The following DLG2 variants were observed in gnomAD, a reference collection of about 807,000 sequenced individuals.
DLG2 encodes the protein disks large homolog 2.
In DLG2, 45 loss-of-function variants were observed where a neutral mutation model predicts 132.5. That is an observed-to-expected ratio of 0.34 (90% CI 0.27 to 0.44). DLG2 has a LOEUF of 0.44. Ranked by LOEUF, DLG2 falls within the 20% of genes least tolerant of loss-of-function variation. The pLI is 1.00. For synonymous variants in DLG2, 424 were observed against 419.6 expected (o/e 1.01, Z -0.13); for missense variants, 1,045 against 1,196.9 (o/e 0.87, Z 1.87).
chr11:84,824,830 T>C lies in DLG2; in HGVS notation c.357+286831A>G, dbSNP rs181756735. 5.1e-4 allele frequency among the ~76,000 whole-genome samples: 77 copies of C among 151,972 alleles called. 1 individual carries two copies. The East Asian group carries it at 0.012, about 24-fold the overall frequency. ...ACAATTACCAGACGCCCACAGTGCA[T>C]GTGTGGCAACATACCAGGGCTCTCT... On this transcript the variant is annotated intron_variant, in intron 6 of 27. Transcript: ENST00000376104.
chr11:83,468,551 A>C (rs1207478036), intron 25 of DLG2, among the ~76,000 whole-genome samples: 14 of 152,178 alleles, frequency 9.2e-5, no homozygotes, highest in Non-Finnish European at 2.9e-5. Flanking sequence ...ACATTGAGAA[A>C]GGTCATGGCA....
intron 6 of DLG2, chr11:84,640,410 G>A (rs961427786): frequency 1.7e-5 from 7 of 413,890 alleles, no homozygotes; most frequent in Admixed American, 6.9e-5. Context: ...AGCCCAGAAC[G>A]ATGAATTAAT....
chr11:83,561,350 A>ACTC (rs1420183309), intron 19 of DLG2, among the ~76,000 whole-genome samples: 2 of 152,026 alleles, frequency 1.3e-5, no homozygotes, highest in African/African-American at 4.8e-5. Flanking sequence ...CCCATCCAGG[A>ACTC]CTCAGAGGGG....
At chr11:83,995,469 C>CCTCCATTTT (rs1435362728) in intron 11 of DLG2, among the ~76,000 whole-genome samples, 4 of 152,008 alleles carry the variant, frequency 2.6e-5, no homozygotes, top group Non-Finnish European at 5.9e-5. Flanking sequence ...ATTTGGTCTC[C>CCTCCATTTT]CTCCATTTTC....
chr11:84,166,853 A>C, intron 8 of DLG2: 2 of 517,756 alleles, frequency 3.9e-6, no homozygotes, highest in Non-Finnish European at 7.9e-6. Flanking sequence ...AATATTCCCA[A>C]TCAGGTTATC....
intron 7 of DLG2, among the ~76,000 whole-genome samples, chr11:84,355,592 T>A (rs900611787): frequency 6.6e-5 from 10 of 152,112 alleles, no homozygotes; most frequent in African/African-American, 2.4e-4. Context: ...TGTTATAAGC[T>A]TCTTAGTTTA....
chr11:85,064,277 T>C (rs1013308853), intron 6 of DLG2, among the ~76,000 whole-genome samples: 5 of 151,930 alleles, frequency 3.3e-5, no homozygotes, highest in South Asian at 2.1e-4. Context: ...ATAAATTCTA[T>C]TCAATTCTAG....
At chr11:84,949,121 G>T (rs182928983) in intron 6 of DLG2, among the ~76,000 whole-genome samples, 74 of 152,240 alleles carry the variant, frequency 4.9e-4, no homozygotes, top group African/African-American at 1.8e-3. Flanking sequence ...ACAAAAGAGA[G>T]AAATTTTAAA....
intron 7 of DLG2, among the ~76,000 whole-genome samples, chr11:84,319,448 A>G (rs1306067855): frequency 1.3e-5 from 2 of 152,180 alleles, no homozygotes; most frequent in Non-Finnish European, 2.9e-5. Context: ...TTTTAGGCAG[A>G]TATCATTGCA....
chr11:85,170,645 A>T (rs1311805945), intron 4 of DLG2, among the ~76,000 whole-genome samples: 2 of 152,200 alleles, frequency 1.3e-5, no homozygotes, highest in African/African-American at 4.8e-5. Context: ...ATAATGTCCC[A>T]GGTTGGCAAC....
At chr11:84,119,759 C>G (rs1461440695) in intron 9 of DLG2, among the ~76,000 whole-genome samples, 4 of 152,108 alleles carry the variant, frequency 2.6e-5, no homozygotes, top group South Asian at 2.1e-4. Context: ...GTATACGAAT[C>G]TTTTTATATT....
intron 3 of DLG2, among the ~76,000 whole-genome samples, chr11:85,412,750 CACACACACACATATATATATAT>C (rs772925278): frequency 2.2e-5 from 3 of 139,406 alleles, no homozygotes; most frequent in East Asian, 4.1e-4. Context: ...CACACACACA[CACACACACACATATATATATAT>C]ATATATATAT....
At chr11:85,459,842 T>C (rs1285338920) in intron 3 of DLG2, among the ~76,000 whole-genome samples, 1 of 152,174 alleles carries the variant, frequency 6.6e-6, no homozygotes, top group Non-Finnish European at 1.5e-5. Context: ...TGTGCTGGAA[T>C]TCCAGGCTGA....
At chr11:85,164,826 T>C (rs943428277) in intron 4 of DLG2, among the ~76,000 whole-genome samples, 1 of 152,196 alleles carries the variant, frequency 6.6e-6, no homozygotes, top group African/African-American at 2.4e-5. Context: ...AGAACCTATT[T>C]CTGCCTGAAT....
chr11:85,507,940 C>T lies in DLG2; in HGVS notation c.40+90717G>A, dbSNP rs554314711. On this transcript the variant is annotated intron_variant, in intron 3 of 27. Coordinates refer to ENST00000376104, the MANE Select transcript of DLG2 (RefSeq NM_001142699.3). Reference sequence around the variant, plus strand: ...TTTTTTCTCTAAACTTCTCTTCTCACTTCATTTGATTCATTTGATCTTCAA... The same window carrying T: ...TTTTTTCTCTAAACTTCTCTTCTCATTTCATTTGATTCATTTGATCTTCAA... Among the ~76,000 whole-genome samples the T allele has an allele frequency of 1.7e-3, 256 of 151,926 alleles. 1 individual carries two copies. The highest frequency in any genetic ancestry group is 3.0e-3 in the Admixed American group (45 of 15,238).
At chr11:85,321,430 G>A (rs1288170377) in intron 3 of DLG2, among the ~76,000 whole-genome samples, 3 of 151,922 alleles carry the variant, frequency 2.0e-5, no homozygotes, top group Non-Finnish European at 4.4e-5. Flanking sequence ...TTAGAAGTTG[G>A]AATTATATAG....
intron 7 of DLG2, among the ~76,000 whole-genome samples, chr11:84,388,540 T>G (rs1303023808): frequency 1.3e-5 from 2 of 152,044 alleles, no homozygotes; most frequent in Non-Finnish European, 2.9e-5. Context: ...ATTTATAGAT[T>G]CCTAATTTAT....
chr11:83,731,343 T>C (rs1194382934), intron 18 of DLG2, among the ~76,000 whole-genome samples: 2 of 152,154 alleles, frequency 1.3e-5, no homozygotes, highest in Non-Finnish European at 2.9e-5. Flanking sequence ...TGTGTCCATG[T>C]GTTCTTGTTG....
chr11:83,547,176 C>T (rs928673525), intron 19 of DLG2, among the ~76,000 whole-genome samples: 4 of 151,902 alleles, frequency 2.6e-5, no homozygotes, highest in East Asian at 1.9e-4. Context: ...AGGATAGCAG[C>T]GAATGATGAG....
Sources: gnomAD v4.1 joint callset for allele counts (sites outside exome capture counted in the v4.1 genomes callset) on GRCh38, gnomAD v4.1.1 for gene constraint, MANE v1.5 for transcripts, NCBI Gene and HGNC (gene_info 2026-07-23, HGNC 2026-07-21) for gene names.